CLNK: variants seen among roughly 807,000 people sequenced by gnomAD.
CLNK encodes cytokine dependent hematopoietic cell linker.
A neutral mutation model predicts 68.6 loss-of-function variants in CLNK; 74 were observed. The ratio of observed to expected loss-of-function variants is 1.08; its 90% CI spans 0.89 to 1.31. CLNK has a LOEUF of 1.31. CLNK is among the 50% of genes most tolerant of loss of function. CLNK has a pLI of 0.00. For missense variants in CLNK, 553 were observed against 515.3 expected (o/e 1.07, Z -0.71); for synonymous variants, 198 against 172.2 (o/e 1.15, Z -1.17).
intron 15 of CLNK, among the ~76,000 whole-genome samples, chr4:10,515,678 T>A (rs528566775): frequency 1.2e-4 from 19 of 152,354 alleles, no homozygotes; most frequent in South Asian, 1.2e-3. Flanking sequence ...GAATCTTGTA[T>A]CTGCCACTGT....
At chr4:10,676,498 A>G (rs1724881452) in intron 1 of CLNK, among the ~76,000 whole-genome samples, 1 of 151,444 alleles carries the variant, frequency 6.6e-6, no homozygotes, top group Admixed American at 6.6e-5. Context: ...GTAATGAGTA[A>G]CTTCCCTTGA....
At chr4:10,591,322 C>A (rs1342918327) in intron 3 of CLNK, among the ~76,000 whole-genome samples, 2 of 152,154 alleles carry the variant, frequency 1.3e-5, no homozygotes, top group Admixed American at 1.3e-4. Flanking sequence ...CCACCAATGC[C>A]CTCTTCTCCT....
At chr4:10,505,163 C>G (rs146368327) in intron 17 of CLNK, among the ~76,000 whole-genome samples, 106 of 152,276 alleles carry the variant, frequency 7.0e-4, no homozygotes, top group African/African-American at 2.4e-3. Flanking sequence ...CTACCATCAC[C>G]AGGTTTGCCA....
the CLNK span, among the ~76,000 whole-genome samples, chr4:10,713,830 T>A: frequency 1.3e-5 from 2 of 152,214 alleles, no homozygotes; most frequent in East Asian, 3.8e-4. Context: ...GCTTCTTAAA[T>A]AGCCTGAAGA....
chr4:10,593,858 A>G (rs1721282658), intron 3 of CLNK, among the ~76,000 whole-genome samples: 1 of 152,218 alleles, frequency 6.6e-6, no homozygotes, highest in South Asian at 2.1e-4. Context: ...CTGAATGTGG[A>G]TAGTGTGGTG....
intron 2 of CLNK, among the ~76,000 whole-genome samples, chr4:10,632,230 A>G (rs1722920806): frequency 6.6e-6 from 1 of 152,162 alleles, no homozygotes; most frequent in South Asian, 2.1e-4. Context: ...ATGCCTCTGG[A>G]CCAGTTCATA....
At chr4:10,652,703 G>A (rs1336122074) in intron 2 of CLNK, among the ~76,000 whole-genome samples, 1 of 152,134 alleles carries the variant, frequency 6.6e-6, no homozygotes, top group Non-Finnish European at 1.5e-5. Flanking sequence ...TAACTATCAG[G>A]AAACAGACAA....
At chr4:10,700,071 A>C in the CLNK span, among the ~76,000 whole-genome samples, 1 of 150,774 alleles carries the variant, frequency 6.6e-6, no homozygotes, top group African/African-American at 2.4e-5. Context: ...GAGAACCCTG[A>C]TACACTCATG....
the CLNK span, among the ~76,000 whole-genome samples, chr4:10,699,512 ATTTTT>A: frequency 8.5e-3 from 277 of 32,756 alleles, 6 homozygotes; most frequent in Middle Eastern, 0.071. Flanking sequence ...ATATATATAT[ATTTTT>A]TTTTTTTTTT....
At chr4:10,726,980 G>T in the CLNK span, among the ~76,000 whole-genome samples, 2 of 152,158 alleles carry the variant, frequency 1.3e-5, no homozygotes, top group Non-Finnish European at 1.5e-5. Flanking sequence ...AATGCAATAG[G>T]TATCTTTTGA....
chr4:10,695,576 G>A, the CLNK span, among the ~76,000 whole-genome samples: 4 of 152,196 alleles, frequency 2.6e-5, no homozygotes, highest in Non-Finnish European at 4.4e-5. Flanking sequence ...TGGCCCGTCA[G>A]GGCCTCCCAG....
chr4:10,669,174 T>C (rs1577209182), intron 1 of CLNK, among the ~76,000 whole-genome samples: 1 of 152,224 alleles, frequency 6.6e-6, no homozygotes, highest in African/African-American at 2.4e-5. Context: ...TACCATTTAC[T>C]GAAAATGTAC....
At chr4:10,623,664 G>A (rs1722546387) in intron 2 of CLNK, among the ~76,000 whole-genome samples, 1 of 152,246 alleles carries the variant, frequency 6.6e-6, no homozygotes, top group South Asian at 2.1e-4. Context: ...GTAAGTTTTA[G>A]ATACTAAGTG....
chr4:10,725,748 G>T, the CLNK span, among the ~76,000 whole-genome samples: 4 of 151,604 alleles, frequency 2.6e-5, no homozygotes, highest in Non-Finnish European at 4.4e-5. Flanking sequence ...CCAGCTACTC[G>T]GGAGGCTGAG....
chr4:10,653,386 T>G (rs1723833269), intron 2 of CLNK, among the ~76,000 whole-genome samples: 1 of 116,272 alleles, frequency 8.6e-6, no homozygotes, highest in South Asian at 2.8e-4. Context: ...AAATAAACTC[T>G]CAAAAAAAAC....
the CLNK span, among the ~76,000 whole-genome samples, chr4:10,690,829 G>A: frequency 6.6e-6 from 1 of 152,144 alleles, no homozygotes; most frequent in African/African-American, 2.4e-5. Context: ...GGCACCATAA[G>A]GGCTCTCAGA....
At chr4:10,605,074 G>T (rs537557921) in intron 2 of CLNK, among the ~76,000 whole-genome samples, 10 of 152,166 alleles carry the variant, frequency 6.6e-5, no homozygotes, top group Non-Finnish European at 8.8e-5. Flanking sequence ...TAAAAAGCCT[G>T]CCTGAGTTTC....
intron 16 of CLNK, among the ~76,000 whole-genome samples, chr4:10,513,124 G>A (rs1299331193): frequency 3.3e-5 from 5 of 152,114 alleles, no homozygotes; most frequent in African/African-American, 1.2e-4. Flanking sequence ...ATTGCAACCT[G>A]TATATCCTAG....
At chr4:10,707,489 C>T in the CLNK span, among the ~76,000 whole-genome samples, 1 of 152,178 alleles carries the variant, frequency 6.6e-6, no homozygotes, top group African/African-American at 2.4e-5. Flanking sequence ...CAAGATATTC[C>T]ACCTACCACT....
Sources: allele counts gnomAD v4.1 joint callset (sites outside exome capture counted in the v4.1 genomes callset), GRCh38; gene constraint gnomAD v4.1.1; transcripts MANE v1.5; gene names NCBI Gene and HGNC (gene_info 2026-07-23, HGNC 2026-07-21).